The following CTNNA2 variants were observed in gnomAD, a reference collection of about 807,000 sequenced individuals.
CTNNA2 encodes the protein catenin alpha-2.
In CTNNA2, 42 loss-of-function variants were observed where a neutral mutation model predicts 101.0. The ratio of observed to expected loss-of-function variants is 0.42; its 90% CI spans 0.32 to 0.54. The LOEUF (loss-of-function observed/expected upper bound fraction) is 0.54. Ranked by LOEUF, CTNNA2 falls within the 20% of genes least tolerant of loss-of-function variation. The pLI is 0.14. For synonymous variants in CTNNA2, 450 were observed against 456.4 expected (o/e 0.99, Z 0.18); for missense variants, 871 against 1,223.1 (o/e 0.71, Z 4.29).
chr2:79,899,603 T>C (rs1267792322), intron 6 of CTNNA2, among the ~76,000 whole-genome samples: 1 of 152,250 alleles, frequency 6.6e-6, no homozygotes, highest in Admixed American at 6.5e-5. Context: ...TATCTAAGGA[T>C]AGAAAGTGCT....
intron 3 of CTNNA2, among the ~76,000 whole-genome samples, chr2:79,322,391 C>T (rs896493906): frequency 2.0e-5 from 3 of 152,084 alleles, no homozygotes; most frequent in Non-Finnish European, 4.4e-5. Context: ...TTTATACATC[C>T]GTATATATAT....
intron 18 of CTNNA2, among the ~76,000 whole-genome samples, chr2:80,637,422 G>A (rs1003321567): frequency 6.6e-6 from 1 of 151,554 alleles, no homozygotes; most frequent in African/African-American, 2.4e-5. Context: ...CTAGAGTCCA[G>A]GTTTCCCTCA....
intron 3 of CTNNA2, among the ~76,000 whole-genome samples, chr2:79,816,833 G>T (rs188233686): frequency 5.3e-5 from 8 of 152,144 alleles, no homozygotes; most frequent in Middle Eastern, 6.8e-3. Context: ...GAAAACTAGA[G>T]AGTTAAAATA....
chr2:80,583,066 G>T (rs750377193), intron 14 of CTNNA2, among the ~76,000 whole-genome samples: 7 of 152,052 alleles, frequency 4.6e-5, no homozygotes, highest in Non-Finnish European at 8.8e-5. Flanking sequence ...AGACAGATTT[G>T]GTTTTGAATT....
chr2:79,950,642 G>T (rs1167604309), intron 7 of CTNNA2, among the ~76,000 whole-genome samples: 2 of 152,126 alleles, frequency 1.3e-5, no homozygotes, highest in Non-Finnish European at 2.9e-5. Context: ...TAGGCCAGCA[G>T]ATTGCCTTTG....
At chr2:80,457,248 G>A (rs1284069799) in intron 9 of CTNNA2, among the ~76,000 whole-genome samples, 1 of 152,014 alleles carries the variant, frequency 6.6e-6, no homozygotes, top group African/African-American at 2.4e-5. Flanking sequence ...ATCTTTAGTA[G>A]AGATGGGATT....
At chr2:80,207,536 T>G (rs1707607190) in intron 7 of CTNNA2, among the ~76,000 whole-genome samples, 1 of 152,052 alleles carries the variant, frequency 6.6e-6, no homozygotes, top group African/African-American at 2.4e-5. Context: ...GCATTAGGGA[T>G]GAGGAAGTGT....
At chr2:80,481,393 G>GT (rs1686130016) in intron 9 of CTNNA2, among the ~76,000 whole-genome samples, 1 of 152,052 alleles carries the variant, frequency 6.6e-6, no homozygotes, top group Non-Finnish European at 1.5e-5. Context: ...TCATAGGGTT[G>GT]TTGTTAAGGG....
At chr2:79,628,927 C>T (rs1049618434) in intron 1 of CTNNA2, among the ~76,000 whole-genome samples, 9 of 152,198 alleles carry the variant, frequency 5.9e-5, no homozygotes, top group African/African-American at 2.2e-4. Context: ...TTTGGAGTGG[C>T]ACTGTACACT....
intron 2 of CTNNA2, among the ~76,000 whole-genome samples, chr2:79,699,683 G>T (rs915004376): frequency 6.6e-6 from 1 of 150,616 alleles, no homozygotes; most frequent in Non-Finnish European, 1.5e-5. Flanking sequence ...ACCTTTTTGG[G>T]GGGATCTTTT....
At chr2:79,700,259 T>G (rs761430591) in intron 2 of CTNNA2, among the ~76,000 whole-genome samples, 1 of 152,170 alleles carries the variant, frequency 6.6e-6, no homozygotes, top group Non-Finnish European at 1.5e-5. Flanking sequence ...AAAATTTATT[T>G]TGAAATTTTA....
At chr2:79,755,755 A>C (rs1672355033) in intron 3 of CTNNA2, among the ~76,000 whole-genome samples, 4 of 152,226 alleles carry the variant, frequency 2.6e-5, no homozygotes, top group Admixed American at 2.6e-4. Context: ...CATCGTTATC[A>C]ACATCATTTT....
chr2:79,280,676 A>T (rs1484114341), intron 2 of CTNNA2, among the ~76,000 whole-genome samples: 1 of 50,106 alleles, frequency 2.0e-5, no homozygotes, highest in African/African-American at 1.1e-4. Context: ...AGAGAGAGAG[A>T]GAGAGAGAAA....
intron 7 of CTNNA2, among the ~76,000 whole-genome samples, chr2:80,358,734 A>T (rs1674093112): frequency 6.6e-6 from 1 of 152,162 alleles, no homozygotes; most frequent in African/African-American, 2.4e-5. Flanking sequence ...ATCTTTAAGT[A>T]GATATATAAA....
intron 1 of CTNNA2, among the ~76,000 whole-genome samples, chr2:79,191,160 G>A (rs1232119832): frequency 6.6e-6 from 1 of 152,184 alleles, no homozygotes; most frequent in Non-Finnish European, 1.5e-5. Flanking sequence ...TGTGGGACTG[G>A]GCGGGAAATG....
chr2:79,387,026 C>CTA, intron 4 of CTNNA2, among the ~76,000 whole-genome samples: 1 of 152,342 alleles, frequency 6.6e-6, no homozygotes, highest in South Asian at 2.1e-4. Flanking sequence ...AGCTGCTGTA[C>CTA]TATCACAGCC....
At chr2:79,400,296 A>G (rs374654874) in intron 4 of CTNNA2, among the ~76,000 whole-genome samples, 53 of 151,974 alleles carry the variant, frequency 3.5e-4, no homozygotes, top group African/African-American at 1.3e-3. Context: ...TAGCTTTTTT[A>G]TCTTAGTAGC....
At chr2:79,288,147 T>C (rs1212264475) in intron 2 of CTNNA2, among the ~76,000 whole-genome samples, 6 of 152,212 alleles carry the variant, frequency 3.9e-5, no homozygotes, top group Admixed American at 3.9e-4. Flanking sequence ...GCCCACTGTC[T>C]GGCACTCCCT....
intron 1 of CTNNA2, among the ~76,000 whole-genome samples, chr2:79,527,146 A>C (rs1672455434): frequency 6.6e-6 from 1 of 152,152 alleles, no homozygotes; most frequent in Admixed American, 6.6e-5. Context: ...AGAACCATAT[A>C]AAGAATGATT....
Sources: gnomAD v4.1 joint callset for allele counts (sites outside exome capture counted in the v4.1 genomes callset) on GRCh38, gnomAD v4.1.1 for gene constraint, MANE v1.5 for transcripts, NCBI Gene and HGNC (gene_info 2026-07-23, HGNC 2026-07-21) for gene names.